TRPM6: variants seen among roughly 807,000 people sequenced by gnomAD.
TRPM6 encodes the protein channel kinase 2.
TRPM6 carries 111 observed loss-of-function variants against 247.6 expected under a neutral mutation model. The observed-to-expected ratio is 0.45, with a 90% CI of 0.38 to 0.52. The LOEUF (loss-of-function observed/expected upper bound fraction) is 0.52. TRPM6 is among the 20% of genes least tolerant of loss of function. The pLI is 0.00. For missense variants in TRPM6, 2,126 were observed against 2,421.5 expected, an observed-to-expected ratio of 0.88 and a Z score of 2.56; for synonymous variants, 892 against 853.8, an observed-to-expected ratio of 1.04 and a Z score of -0.78.
chr9:74,835,484 A>G (rs1158954981), intron 5 of TRPM6, among the ~76,000 whole-genome samples: 2 of 152,126 alleles, frequency 1.3e-5, no homozygotes, highest in Admixed American at 1.3e-4. Context: ...ATATGCACAA[A>G]TATTTCAAAG....
At chr9:74,794,458 T>A (rs1283714599) in intron 18 of TRPM6, among the ~76,000 whole-genome samples, 1 of 152,110 alleles carries the variant, frequency 6.6e-6, no homozygotes, top group Non-Finnish European at 1.5e-5. Flanking sequence ...GAGGTTAGGA[T>A]TGACTTAGAA....
intron 6 of TRPM6, among the ~76,000 whole-genome samples, chr9:74,831,681 T>C (rs981140823): frequency 6.6e-6 from 1 of 152,170 alleles, no homozygotes; most frequent in East Asian, 1.9e-4. Context: ...CAAAATGGGA[T>C]AATTTGAACA....
chr9:74,729,668 T>C (rs1587445972), intron 37 of TRPM6, among the ~76,000 whole-genome samples: 1 of 152,180 alleles, frequency 6.6e-6, no homozygotes, highest in East Asian at 1.9e-4. Context: ...ACCACTTCAA[T>C]AAGGTGAAAC....
rs1484675504 is a variant in TRPM6 at position 74,887,164 on chromosome 9, T to C, written c.33+660A>G. ...GTGGAGAGGAGCCAGCGGGGACTCC[T>C]GAGGTTGCAAGTCCGGGCGGCGCCG... On this transcript the variant is annotated intron_variant, in intron 1 of 38. Coordinates refer to ENST00000360774, the MANE Select transcript of TRPM6 (RefSeq NM_017662.5). The C allele has an allele frequency of 1.2e-5, 12 of 1,036,552 alleles. No homozygotes were observed. The Admixed American group carries it at 4.1e-4, about 35-fold the overall frequency. The allele number at this position is 1,036,552 out of a possible 1,614,324, so 64.2% of individuals were successfully genotyped here. A position where few individuals can be genotyped will look rare whatever the true frequency, so the allele number is the denominator to read the frequency against.
rs143334175 is a variant in TRPM6, at chr9:74,883,095, A to G, written c.33+4729T>C. Among the ~76,000 whole-genome samples, 164 of 152,294 alleles carry G rather than the reference A, an allele frequency of 1.1e-3. 1 individual carries two copies. Among genetic ancestry groups the G allele is most frequent in the African/African-American group, 3.6e-3 (150 of 41,572 alleles). Reference sequence around the variant, plus strand: ...AATTTGATTTCTATAGATGCCTCATAAGTGGAATCATACAGTATTTATCTT... The same window carrying G: ...AATTTGATTTCTATAGATGCCTCATGAGTGGAATCATACAGTATTTATCTT... On this transcript the variant is annotated intron_variant, in intron 1 of 38. Coordinates refer to ENST00000360774, the MANE Select transcript of TRPM6 (RefSeq NM_017662.5).
chr9:74,851,377 T>A (rs890988674), intron 3 of TRPM6, among the ~76,000 whole-genome samples: 1 of 151,838 alleles, frequency 6.6e-6, no homozygotes, highest in African/African-American at 2.4e-5. Flanking sequence ...AAACAAAGAA[T>A]AAAATAAATT....
chr9:74,792,276 A>G (rs1827930773), intron 19 of TRPM6, among the ~76,000 whole-genome samples: 1 of 152,196 alleles, frequency 6.6e-6, no homozygotes, highest in Non-Finnish European at 1.5e-5. Flanking sequence ...AGAATATTCC[A>G]GTGTTTCTTT....
At position 74,851,847 on chromosome 9, in the gene TRPM6, T is replaced by C. The variant is rs140603956; in HGVS notation, c.152+3680A>G. The stretch of plus-strand genomic sequence containing the variant: ...GAGATTTAGGATTATTTTTAAGTAT[T>C]GCAATATAGTCCAGGTGCGGTGGCT... On this transcript the variant is annotated intron_variant, in intron 3 of 38. Coordinates refer to ENST00000360774, the MANE Select transcript of TRPM6 (RefSeq NM_017662.5). 7.2e-3 allele frequency among the ~76,000 whole-genome samples: 1,077 copies of C among 150,542 alleles called. 16 individuals are homozygous for C. Among genetic ancestry groups the C allele is most frequent in the African/African-American group, 0.025 (1,014 of 41,076 alleles).
In TRPM6 at chr9:74,724,072, T is replaced by C; in HGVS notation, c.*541A>G. The C allele has an allele frequency of 6.3e-6, 1 of 158,848 alleles. No individual in the cohort carries two copies. Among genetic ancestry groups the C allele is most frequent in the Non-Finnish European group, 1.4e-5 (1 of 71,928 alleles). The allele number at this position is 158,848 out of a possible 1,614,324, so 9.8% of individuals were successfully genotyped here. A position where few individuals can be genotyped will look rare whatever the true frequency, so the allele number is the denominator to read the frequency against. ...TAGTTTGTGCAGGAATGTGCTCCAA[T>C]CTGTGCAAACCCACCCTTGTTCCAT... On this transcript the variant is annotated 3_prime_UTR_variant, in exon 39 of 39. Transcript: ENST00000360774.
intron 17 of TRPM6, among the ~76,000 whole-genome samples, chr9:74,799,426 C>A (rs530547120): frequency 2.0e-5 from 3 of 151,834 alleles, no homozygotes; most frequent in African/African-American, 7.2e-5. Context: ...CTAAATTATT[C>A]TTGATAATTT....
At chr9:74,758,227 C>T (rs76219281) in intron 27 of TRPM6, among the ~76,000 whole-genome samples, 1,924 of 152,152 alleles carry the variant, frequency 0.013, 35 homozygotes, top group African/African-American at 0.043. Context: ...CAATTCCTTA[C>T]AAATTCACCC....
intron 17 of TRPM6, among the ~76,000 whole-genome samples, chr9:74,798,379 G>GT (rs1341605164): frequency 1.3e-5 from 2 of 150,586 alleles, no homozygotes; most frequent in African/African-American, 4.9e-5. Flanking sequence ...TTGTGTGTTT[G>GT]TTTTTTGTCC....
chr9:74,801,243 A>ATTTTTTTTTTTTTTTTT (rs59490187), intron 16 of TRPM6, among the ~76,000 whole-genome samples: 9 of 85,258 alleles, frequency 1.1e-4, no homozygotes, highest in Non-Finnish European at 1.5e-4. Flanking sequence ...AAGCCTGGGA[A>ATTTTTTTTTTTTTTTTT]TTTTTTTTTT....
intron 6 of TRPM6, among the ~76,000 whole-genome samples, chr9:74,830,768 T>G (rs1320176987): frequency 6.3e-5 from 9 of 142,288 alleles, no homozygotes; most frequent in South Asian, 2.3e-4. Flanking sequence ...TTTTTTTTTT[T>G]TTTTTTTTTT....
intron 18 of TRPM6, among the ~76,000 whole-genome samples, chr9:74,795,787 T>C (rs1377229189): frequency 6.6e-6 from 1 of 152,228 alleles, no homozygotes; most frequent in Non-Finnish European, 1.5e-5. Context: ...AAATTTCACA[T>C]GGCAAAGTTA....
At chr9:74,748,800 T>A (rs1576109) in intron 30 of TRPM6, among the ~76,000 whole-genome samples, 35,604 of 152,004 alleles carry the variant, frequency 0.23, 5,412 homozygotes, top group African/African-American at 0.42. Flanking sequence ...TTGGTTATTT[T>A]AAAAAGAAAA....
At chr9:74,876,774 C>T (rs535994863) in intron 1 of TRPM6, among the ~76,000 whole-genome samples, 29 of 152,266 alleles carry the variant, frequency 1.9e-4, no homozygotes, top group African/African-American at 5.1e-4. Context: ...CTATATAAAA[C>T]GCCCTGAAAA....
In TRPM6 at chr9:74,811,123, T is replaced by A. The variant is rs1012712; in HGVS notation, c.1444-255A>T. 0.26 allele frequency among the ~76,000 whole-genome samples: 39,687 copies of A among 152,084 alleles called. 5,464 individuals carry two copies. Among genetic ancestry groups the A allele is most frequent in the African/African-American group, 0.35 (14,352 of 41,472 alleles). The stretch of plus-strand genomic sequence containing the variant: ...TTATGTGATAAGAGATAGAAATGAA[T>A]CTTAGGTAATTTATTACTATCCTTT... On this transcript the variant is annotated intron_variant, in intron 12 of 38. Transcript: ENST00000360774.
At chr9:74,862,345 T>C (rs1322190924) in intron 1 of TRPM6, among the ~76,000 whole-genome samples, 1 of 152,154 alleles carries the variant, frequency 6.6e-6, no homozygotes, top group African/African-American at 2.4e-5. Flanking sequence ...TCGTGGTAGT[T>C]GAGAGTAAGG....
Sources: gnomAD v4.1 joint callset for allele counts (sites outside exome capture counted in the v4.1 genomes callset) on GRCh38, gnomAD v4.1.1 for gene constraint, MANE v1.5 for transcripts, NCBI Gene and HGNC (gene_info 2026-07-23, HGNC 2026-07-21) for gene names.